ZBTB16: variants seen among roughly 807,000 people sequenced by gnomAD.
ZBTB16 encodes the protein zinc finger and BTB domain-containing protein 16.
In ZBTB16, 8 loss-of-function variants were observed where a neutral mutation model predicts 56.8. The ratio of observed to expected loss-of-function variants is 0.14; its 90% CI spans 0.08 to 0.25. The LOEUF (loss-of-function observed/expected upper bound fraction) is 0.25. ZBTB16 is among the 10% of genes least tolerant of loss of function. The pLI is 1.00. For synonymous variants in ZBTB16, 363 were observed against 368.5 expected (o/e 0.98, Z 0.17); for missense variants, 625 against 903.0 (o/e 0.69, Z 3.95).
rs1944959395 is a variant in ZBTB16, at chr11:114,254,032, C to T, written c.*3477C>T. 6.6e-6 allele frequency among the ~76,000 whole-genome samples: 1 copy of T among 152,082 alleles called. No individual in the cohort carries two copies. The highest frequency in any genetic ancestry group is 1.5e-5 in the Non-Finnish European group (1 of 68,032). The stretch of plus-strand genomic sequence containing the variant: ...TGGCAAGGCCACGTTGGTTAATAGT[C>T]CCTTTCCCATGTCCAGCTCCTACAA... On this transcript the variant is annotated 3_prime_UTR_variant, in exon 7 of 7. Coordinates refer to ENST00000335953, the MANE Select transcript of ZBTB16 (RefSeq NM_006006.6).
chr11:114,138,920 A>G (rs912179900), intron 2 of ZBTB16, among the ~76,000 whole-genome samples: 3 of 151,968 alleles, frequency 2.0e-5, no homozygotes, highest in Non-Finnish European at 4.4e-5. Context: ...CGAACTCCTG[A>G]CCTCAAGTGA....
intron 2 of ZBTB16, among the ~76,000 whole-genome samples, chr11:114,069,349 T>C (rs1404519713): frequency 2.0e-5 from 3 of 151,992 alleles, no homozygotes; most frequent in Non-Finnish European, 4.4e-5. Context: ...CCTCCCAAAG[T>C]GCTGGGATTA....
chr11:114,089,530 A>T (rs1365391532), intron 2 of ZBTB16, among the ~76,000 whole-genome samples: 3 of 152,284 alleles, frequency 2.0e-5, no homozygotes, highest in East Asian at 3.9e-4. Context: ...AATAGGTTGA[A>T]TTGTAGAGGG....
chr11:114,247,703 C>G (rs1294884179), intron 6 of ZBTB16, among the ~76,000 whole-genome samples: 2 of 152,022 alleles, frequency 1.3e-5, no homozygotes, highest in Non-Finnish European at 2.9e-5. Context: ...GTAAGTTGGT[C>G]CAATTAGCTG....
At chr11:114,209,881 T>C (rs1316070749) in intron 4 of ZBTB16, 1 of 985,298 alleles carries the variant, frequency 1.0e-6, no homozygotes, top group African/African-American at 1.7e-5. Flanking sequence ...ACCCCATATT[T>C]CTTCATGAAG....
At position 114,255,986 on chromosome 11, in the gene ZBTB16, G is replaced by GT. The variant is rs1304501111; in HGVS notation, c.*5432dup. Reference sequence around the variant, plus strand: ...AATTCAGTTGTCTCTCGCTTGAAGCGTCCCACCTTTTTATTGAAGTACTTG... The same window carrying GT: ...AATTCAGTTGTCTCTCGCTTGAAGCGTTCCCACCTTTTTATTGAAGTACTTG... On this transcript the variant is annotated 3_prime_UTR_variant, in exon 7 of 7. Coordinates refer to ENST00000335953, the MANE Select transcript of ZBTB16 (RefSeq NM_006006.6). 6.6e-6 allele frequency among the ~76,000 whole-genome samples: 1 copy of GT among 150,396 alleles called. No homozygotes were observed. The highest frequency in any genetic ancestry group is 2.4e-5 in the African/African-American group (1 of 40,956).
At chr11:114,233,081 G>GCGCGCCGCCC (rs1250341636) in intron 4 of ZBTB16, among the ~76,000 whole-genome samples, 1 of 87,478 alleles carries the variant, frequency 1.1e-5, no homozygotes. Context: ...GCGCGCGCGC[G>GCGCGCCGCCC]CACACACACA....
At chr11:114,091,395 C>A (rs1306585558) in intron 2 of ZBTB16, among the ~76,000 whole-genome samples, 2 of 151,848 alleles carry the variant, frequency 1.3e-5, no homozygotes, top group Non-Finnish European at 2.9e-5. Flanking sequence ...CTGTCTTTCC[C>A]TTCCTCTCCT....
chr11:114,080,445 C>T (rs1012196766), intron 2 of ZBTB16, among the ~76,000 whole-genome samples: 3 of 149,774 alleles, frequency 2.0e-5, no homozygotes, highest in African/African-American at 2.4e-5. Flanking sequence ...GCTGGTGCTC[C>T]CTCTCTCTCT....
At chr11:114,168,495 T>G (rs1258889342) in intron 3 of ZBTB16, among the ~76,000 whole-genome samples, 1 of 152,226 alleles carries the variant, frequency 6.6e-6, no homozygotes, top group African/African-American at 2.4e-5. Context: ...TCTGCATATC[T>G]GAACTCAGTC....
intron 4 of ZBTB16, among the ~76,000 whole-genome samples, chr11:114,201,499 G>A (rs892857556): frequency 3.3e-5 from 5 of 152,186 alleles, no homozygotes; most frequent in Admixed American, 1.3e-4. Flanking sequence ...AACCCTTGGC[G>A]TTTCATCCCC....
chr11:114,227,019 A>G (rs1944339332), intron 4 of ZBTB16, among the ~76,000 whole-genome samples: 1 of 151,988 alleles, frequency 6.6e-6, no homozygotes, highest in Non-Finnish European at 1.5e-5. Flanking sequence ...ACTCCCTCTC[A>G]TTGCTTGCCT....
chr11:114,089,307 C>CCTAA (rs1313746731), intron 2 of ZBTB16, among the ~76,000 whole-genome samples: 1 of 152,162 alleles, frequency 6.6e-6, no homozygotes, highest in Non-Finnish European at 1.5e-5. Flanking sequence ...CTCTTGCTGG[C>CCTAA]TTAGGCTTCA....
At chr11:114,151,173 A>C (rs1319187218) in intron 2 of ZBTB16, among the ~76,000 whole-genome samples, 1 of 152,152 alleles carries the variant, frequency 6.6e-6, no homozygotes, top group Non-Finnish European at 1.5e-5. Flanking sequence ...AAAAGCCCAA[A>C]GCATCGGGGT....
chr11:114,075,885 T>A (rs909052561), intron 2 of ZBTB16, among the ~76,000 whole-genome samples: 1 of 152,128 alleles, frequency 6.6e-6, no homozygotes, highest in African/African-American at 2.4e-5. Flanking sequence ...CTACTTAAGT[T>A]GTTCGTTTTC....
At chr11:114,114,869 G>A (rs1278476012) in intron 2 of ZBTB16, among the ~76,000 whole-genome samples, 1 of 151,862 alleles carries the variant, frequency 6.6e-6, no homozygotes, top group African/African-American at 2.4e-5. Flanking sequence ...TTTTTGTAGA[G>A]ACAGGGTTTC....
At chr11:114,092,414 C>T (rs1419312992) in intron 2 of ZBTB16, among the ~76,000 whole-genome samples, 1 of 152,168 alleles carries the variant, frequency 6.6e-6, no homozygotes, top group Non-Finnish European at 1.5e-5. Context: ...GGCACACTGC[C>T]TCGATCCTCT....
At chr11:114,112,179 C>A (rs139446288) in intron 2 of ZBTB16, among the ~76,000 whole-genome samples, 1 of 152,070 alleles carries the variant, frequency 6.6e-6, no homozygotes, top group Non-Finnish European at 1.5e-5. Context: ...GGTTCTCTTT[C>A]GATATAAATC....
intron 5 of ZBTB16, among the ~76,000 whole-genome samples, chr11:114,245,290 C>T (rs1168041898): frequency 2.0e-5 from 3 of 152,218 alleles, no homozygotes; most frequent in African/African-American, 4.8e-5. Context: ...GAGGGACTCG[C>T]TGGCCGAGCC....
Sources: gnomAD v4.1 joint callset for allele counts (sites outside exome capture counted in the v4.1 genomes callset) on GRCh38, gnomAD v4.1.1 for gene constraint, MANE v1.5 for transcripts, NCBI Gene and HGNC (gene_info 2026-07-23, HGNC 2026-07-21) for gene names.